Variants in HRH3 observed in about 807,000 individuals in gnomAD.
The protein encoded by HRH3 is histamine H3 receptor.
In HRH3, 13 loss-of-function variants were observed where a neutral mutation model predicts 21.6. The ratio of observed to expected loss-of-function variants is 0.60; its 90% CI spans 0.39 to 0.96. The LOEUF (loss-of-function observed/expected upper bound fraction) is 0.96. HRH3 is among the 40% of genes least tolerant of loss of function. The pLI is 0.00. For missense variants in HRH3, 461 were observed against 622.7 expected, an observed-to-expected ratio of 0.74 and a Z score of 2.76; for synonymous variants, 276 against 290.3, an observed-to-expected ratio of 0.95 and a Z score of 0.50.
Position 62,216,061 on chromosome 20 carries a change from C to T in HRH3, c.1283G>A (p.Cys428Tyr). ...GGGCTGGATTTTGAGCTTCTGGGGG[C>T]AGAGCAGCTTGGTGAAGGCCCGGCG... Reference protein sequence around the residue: ...SFRRAFTKLLCPQKLKIQPHS... With the variant: ...SFRRAFTKLLYPQKLKIQPHS... The change falls in exon 3 of 3, where the codon TGC (cysteine) becomes TAC (tyrosine). Residue 428 changes from cysteine (C) to tyrosine (Y), a missense_variant. This residue lies in a region of HRH3 where 102 missense variants were observed against 166.6 expected (regional missense o/e 0.61). Transcript: ENST00000340177. 3 of 1,605,034 alleles carry T rather than the reference C, an allele frequency of 1.9e-6. No homozygotes were observed. Among genetic ancestry groups the T allele is most frequent in the Non-Finnish European group, 2.5e-6 (3 of 1,176,474 alleles).
rs1035817241 is a variant in HRH3, at chr20:62,220,166, C to T, written c.-196G>A. 193 of 276,646 alleles carry T rather than the reference C, an allele frequency of 7.0e-4. 3 individuals are homozygous for T. Among genetic ancestry groups the T allele is most frequent in the African/African-American group, 4.3e-3 (189 of 43,450 alleles). 17.1% of individuals were successfully genotyped at this position (276,646 alleles called of 1,614,324 possible). On this transcript the variant is annotated 5_prime_UTR_variant, in exon 1 of 3. Coordinates refer to ENST00000340177, the MANE Select transcript of HRH3 (RefSeq NM_007232.3). ...CAGGCGGTGCCGAGGGGGCCGGGGC[C>T]GGATCCGAGCCCAGTGGGGCCGGCA...
Position 62,218,002 on chromosome 20 carries a change from TC to T in HRH3, c.417+488del, listed in dbSNP as rs1978649116. Among the ~76,000 whole-genome samples the T allele has an allele frequency of 6.6e-6, 1 of 152,122 alleles. No homozygotes were observed. The highest frequency in any genetic ancestry group is 2.4e-5 in the African/African-American group (1 of 41,418). On this transcript the variant is annotated intron_variant, in intron 2 of 2. Transcript: ENST00000340177. This position sits in a 1 kb window ranked among gnomAD's most constrained non-coding sequence, Gnocchi z 5.6. ...GGGAAGGTGTGACTTCAGCAGCGGCTCCCTGGGCTGCATGGCCCCGATGCGG... is the reference window on the plus strand; with the variant it reads ...GGGAAGGTGTGACTTCAGCAGCGGCTCCTGGGCTGCATGGCCCCGATGCGG...
chr20:62,216,550 C>G lies in HRH3; in HGVS notation c.794G>C (p.Gly265Ala). ...PPGCWGCWQK[G>A]HGEAMPLHRY... Reference sequence around the variant, plus strand: ...GTGCAGCGGCATGGCCTCCCCGTGCCCCTTCTGCCAGCAGCCCCAGCAGCC... The same window carrying G: ...GTGCAGCGGCATGGCCTCCCCGTGCGCCTTCTGCCAGCAGCCCCAGCAGCC... The change falls in exon 3 of 3, where the codon GGG becomes GCG. Residue 265 changes from glycine to alanine, a missense_variant. Physicochemically the swap from Gly to Ala is moderately conservative, Grantham distance 60. Transcript: ENST00000340177. The G allele has an allele frequency of 6.2e-7, 1 of 1,604,240 alleles. No homozygotes were observed.
Position 62,219,863 on chromosome 20 carries a change from C to T in HRH3, c.108G>A (p.Val36=). Residue 36 remains valine, a synonymous_variant, in exon 1 of 3, where the codon GTG becomes GTA. Transcript: ENST00000340177. This position sits in a 1 kb window ranked among gnomAD's most constrained non-coding sequence, Gnocchi z 8.7. ...ARGFSAAWTA[V]LAALMALLIV... is the part of the protein sequence containing the mutation. ...TGAGCAGCGCCATGAGCGCGGCCAG[C>T]ACCGCGGTCCAGGCTGCCGAGAAGC... The T allele has an allele frequency of 1.3e-6, 2 of 1,537,628 alleles. No homozygotes were observed. Among genetic ancestry groups the T allele is most frequent in the Non-Finnish European group, 1.7e-6 (2 of 1,147,692 alleles).
rs199993296 is a variant in HRH3 at position 62,216,750 on chromosome 20, G to A, written c.594C>T (p.Phe198=). ...ACTCCAGGGTGGAAGCCGTGATGAG[G>A]AAGTACCAGTTGTAGAAGAACTCGG... ...CYAEFFYNWY[F]LITASTLEFF... is the part of the protein sequence containing the mutation. The change falls in exon 3 of 3, where the codon TTC becomes TTT. Residue 198 remains phenylalanine (F), a synonymous_variant. Coordinates refer to ENST00000340177, the MANE Select transcript of HRH3 (RefSeq NM_007232.3). 5.1e-4 allele frequency: 825 copies of A among 1,613,338 alleles called. 14 individuals carry two copies. In the South Asian group the frequency reaches 8.6e-3, roughly 17 times the overall value.
intron 2 of HRH3, among the ~76,000 whole-genome samples, chr20:62,217,381 C>T (rs1320170827): frequency 6.6e-6 from 1 of 152,226 alleles, no homozygotes; most frequent in Non-Finnish European, 1.5e-5. Context: ...CACTCCTGCA[C>T]AGGTGCTCGC....
In HRH3 at chr20:62,219,572, C is replaced by G; in HGVS notation, c.250+149G>C. 2 of 987,186 alleles carry G rather than the reference C, an allele frequency of 2.0e-6. No individual in the cohort carries two copies. The highest frequency in any genetic ancestry group is 1.4e-6 in the Non-Finnish European group (1 of 706,478). The allele number at this position is 987,186 out of a possible 1,614,324, so 61.2% of individuals were successfully genotyped here. A position where few individuals can be genotyped will look rare whatever the true frequency, so the allele number is the denominator to read the frequency against. ...AAGGAACTTCGCCTGTGCCCCCCAC[C>G]CCATGGGCTCCGGACGCCCCCTTCC... On this transcript the variant is annotated intron_variant, in intron 1 of 2. Coordinates refer to ENST00000340177, the MANE Select transcript of HRH3 (RefSeq NM_007232.3). This position sits in a 1 kb window ranked among gnomAD's most constrained non-coding sequence, Gnocchi z 8.7.
Position 62,216,564 on chromosome 20 carries a change from G to A in HRH3, c.780C>T (p.Gly260=). The A allele has an allele frequency of 6.2e-7, 1 of 1,605,682 alleles. No homozygotes were observed. The highest frequency in any genetic ancestry group is 2.2e-5 in the East Asian group (1 of 44,630). Residue 260 remains glycine, a synonymous_variant, in exon 3 of 3, where the codon GGC becomes GGT. Transcript: ENST00000340177. ...PSPPPPPGCW[G]CWQKGHGEAM... ...CCTCCCCGTGCCCCTTCTGCCAGCA[G>A]CCCCAGCAGCCAGGCGGTGGGGGTG...
rs1346750211 is a variant in HRH3, at chr20:62,219,938, G to A, written c.33C>T (p.Asn11=). ...CCTCGCCCGCCAGCGCCCCCGAAGC[G>A]TTCAGCGGCCCGTCGGGCGGCGCGC... is the stretch of plus-strand genomic sequence containing the variant. The part of the protein sequence containing the change: MERAPPDGPL[N]ASGALAGEAA... Residue 11 remains asparagine (N), a synonymous_variant, in exon 1 of 3, where the codon AAC becomes AAT. Coordinates refer to ENST00000340177, the MANE Select transcript of HRH3 (RefSeq NM_007232.3). The surrounding 1 kb of genome is among the most constrained non-coding windows in gnomAD (Gnocchi z 8.7). 1.7e-6 allele frequency: 2 copies of A among 1,163,112 alleles called. No homozygotes were observed. Among genetic ancestry groups the A allele is most frequent in the Non-Finnish European group, 2.1e-6 (2 of 948,058 alleles). The allele number at this position is 1,163,112 out of a possible 1,614,324, so 72.0% of individuals were successfully genotyped here.
At position 62,215,804 on chromosome 20, in the gene HRH3, T is replaced by C; in HGVS notation, c.*202A>G. 1 of 601,710 alleles carries C rather than the reference T, an allele frequency of 1.7e-6. No homozygotes were observed. Among genetic ancestry groups the C allele is most frequent in the Non-Finnish European group, 2.9e-6 (1 of 343,978 alleles). The allele number at this position is 601,710 out of a possible 1,614,324, so 37.3% of individuals were successfully genotyped here. The stretch of plus-strand genomic sequence containing the variant: ...GGGGGGCAGGGCCGGCCACCCAGCC[T>C]CCAGTCCAGCCAGTGAGGGGCCCTC... On this transcript the variant is annotated 3_prime_UTR_variant, in exon 3 of 3. Coordinates refer to ENST00000340177, the MANE Select transcript of HRH3 (RefSeq NM_007232.3).
chr20:62,219,785 G>A lies in HRH3; in HGVS notation c.186C>T (p.Asp62=). ...NALVMLAFVA[D]SSLRTQNNFF... The stretch of plus-strand genomic sequence containing the variant: ...AGTTGTTCTGGGTGCGGAGGCTCGA[G>A]TCGGCCACGAAGGCGAGCATGACCA... Residue 62 remains aspartate, a synonymous_variant, in exon 1 of 3, where the codon GAC becomes GAT. Coordinates refer to ENST00000340177, the MANE Select transcript of HRH3 (RefSeq NM_007232.3). This position sits in a 1 kb window ranked among gnomAD's most constrained non-coding sequence, Gnocchi z 8.7. 1 of 1,606,108 alleles carries A rather than the reference G, an allele frequency of 6.2e-7. No individual in the cohort carries two copies. Among genetic ancestry groups the A allele is most frequent in the Non-Finnish European group, 8.5e-7 (1 of 1,176,778 alleles).
At position 62,216,327 on chromosome 20, in the gene HRH3, C is replaced by T. The variant is rs1255440211; in HGVS notation, c.1017G>A (p.Met339Ile). The change falls in exon 3 of 3, where the codon ATG (methionine) becomes ATA (isoleucine). Residue 339 changes from methionine (M) to isoleucine (I), a missense_variant. Physicochemically the swap from Met to Ile is conservative, Grantham distance 10. This residue lies in a region of HRH3 where 102 missense variants were observed against 166.6 expected (regional missense o/e 0.61). Coordinates refer to ENST00000340177, the MANE Select transcript of HRH3 (RefSeq NM_007232.3). ...AGCGCTGGGTGAAGCTCTGGGACAC[C>T]ATCTTCATGCGCTTCTCCAGCGAGG... ...SSASLEKRMK[M>I]VSQSFTQRFR... The T allele has an allele frequency of 1.2e-6, 2 of 1,608,014 alleles. No homozygotes were observed. The highest frequency in any genetic ancestry group is 1.3e-5 in the African/African-American group (1 of 74,946).
In HRH3 at chr20:62,215,485, A is replaced by C; in HGVS notation, c.*521T>G. 2.2e-6 allele frequency: 1 copy of C among 457,010 alleles called. No individual in the cohort carries two copies. The highest frequency in any genetic ancestry group is 4.4e-6 in the Non-Finnish European group (1 of 227,366). The allele number at this position is 457,010 out of a possible 1,614,324, so 28.3% of individuals were successfully genotyped here. ...CCTTGACACTTTTGGGGGCAGAGAG[A>C]GTTGGTGGGAAGAGGGGTGAAAGGG... is the stretch of plus-strand genomic sequence containing the variant. On this transcript the variant is annotated 3_prime_UTR_variant, in exon 3 of 3. Transcript: ENST00000340177.
In HRH3 at chr20:62,215,574, G is replaced by T. The variant is rs199548261; in HGVS notation, c.*432C>A. On this transcript the variant is annotated 3_prime_UTR_variant, in exon 3 of 3. Transcript: ENST00000340177. ...AGGCAGTGTCCTGGGCTTGTCCGGGGAGAGGGACGGTGTGCAGGTGTGTGC... is the reference window on the plus strand; with the variant it reads ...AGGCAGTGTCCTGGGCTTGTCCGGGTAGAGGGACGGTGTGCAGGTGTGTGC... The T allele has an allele frequency of 1.5e-4, 64 of 422,204 alleles. No individual in the cohort carries two copies. The highest frequency in any genetic ancestry group is 1.1e-3 in the South Asian group (61 of 57,116). The allele number at this position is 422,204 out of a possible 1,614,324, so 26.2% of individuals were successfully genotyped here.
Position 62,218,958 on chromosome 20 carries a change from T to A in HRH3, c.251-301A>T, listed in dbSNP as rs1231209212. Among the ~76,000 whole-genome samples the A allele has an allele frequency of 1.3e-5, 2 of 150,692 alleles. No homozygotes were observed. The highest frequency in any genetic ancestry group is 3.9e-4 in the East Asian group (2 of 5,074). Reference sequence around the variant, plus strand: ...CCGAGAGCCTGGAGTCGGGATTCCCTGGACTTCTGTCCAGCCCTCCCAGCC... The same window carrying A: ...CCGAGAGCCTGGAGTCGGGATTCCCAGGACTTCTGTCCAGCCCTCCCAGCC... On this transcript the variant is annotated intron_variant, in intron 1 of 2. Coordinates refer to ENST00000340177, the MANE Select transcript of HRH3 (RefSeq NM_007232.3). The surrounding 1 kb of genome is among the most constrained non-coding windows in gnomAD (Gnocchi z 5.6).
chr20:62,219,815 G>T lies in HRH3; in HGVS notation c.156C>A (p.Asn52Lys), dbSNP rs1391603697. The T allele has an allele frequency of 6.2e-7, 1 of 1,604,366 alleles. No homozygotes were observed. Among genetic ancestry groups the T allele is most frequent in the Non-Finnish European group, 8.5e-7 (1 of 1,176,104 alleles). The stretch of plus-strand genomic sequence containing the variant: ...CCACGAAGGCGAGCATGACCAGCGC[G>T]TTGCCCAGCACCGTGGCCACGATGA... ...ALLIVATVLG[N>K]ALVMLAFVAD... Residue 52 changes from asparagine to lysine, a missense_variant, in exon 1 of 3, where the codon AAC becomes AAA. Transcript: ENST00000340177. The surrounding 1 kb of genome is among the most constrained non-coding windows in gnomAD (Gnocchi z 8.7).
intron 2 of HRH3, among the ~76,000 whole-genome samples, chr20:62,217,647 C>T (rs1978634286): frequency 6.6e-6 from 1 of 152,098 alleles, no homozygotes; most frequent in East Asian, 1.9e-4. Context: ...GCCCCTGCCA[C>T]CCTCCCCCAC....
In HRH3 at chr20:62,216,540, C is replaced by T. The variant is rs369906019; in HGVS notation, c.804G>A (p.Glu268=). The change falls in exon 3 of 3, where the codon GAG becomes GAA. Residue 268 remains glutamate, a synonymous_variant. Transcript: ENST00000340177. ...CWGCWQKGHG[E]AMPLHRYGVG... is the part of the protein sequence containing the mutation. ...CCCCATACCTGTGCAGCGGCATGGC[C>T]TCCCCGTGCCCCTTCTGCCAGCAGC... The T allele has an allele frequency of 2.9e-5, 47 of 1,602,088 alleles. No individual in the cohort carries two copies. In the African/African-American group the frequency reaches 4.4e-4, roughly 15 times the overall value.
Position 62,220,137 on chromosome 20 carries a change from A to G in HRH3, c.-167T>C. The G allele has an allele frequency of 2.0e-6, 1 of 489,360 alleles. No homozygotes were observed. Among genetic ancestry groups the G allele is most frequent in the South Asian group, 8.2e-5 (1 of 12,228 alleles). 30.3% of individuals were successfully genotyped at this position (489,360 alleles called of 1,614,324 possible). ...GGTCCGCGGGGCCGGGGCCGGGGCC[A>G]GAGCAGGCGGTGCCGAGGGGGCCGG... On this transcript the variant is annotated 5_prime_UTR_variant, in exon 1 of 3. Transcript: ENST00000340177.
Sources: allele counts gnomAD v4.1 joint callset (sites outside exome capture counted in the v4.1 genomes callset), GRCh38; gene constraint gnomAD v4.1.1; regional missense constraint gnomAD v4.1.1; non-coding constraint Gnocchi (gnomAD v3.1); transcripts MANE v1.5; gene names NCBI Gene and HGNC (gene_info 2026-07-23, HGNC 2026-07-21).